The following SLC18A1 variants were observed in gnomAD, a reference collection of about 807,000 sequenced individuals.
The protein encoded by SLC18A1 is solute carrier family 18 member A1.
Under a neutral mutation model 53.7 loss-of-function variants are expected in SLC18A1, and 69 were observed. The observed-to-expected ratio is 1.28, with a 90% CI of 1.06 to 1.57. The LOEUF is 1.57. Among genes scored for constraint, SLC18A1 ranks in the 40% most tolerant of loss-of-function variants. The pLI is 0.00. For missense variants in SLC18A1, 932 were observed against 668.1 expected (o/e 1.40, Z -4.35); for synonymous variants, 320 against 248.1 (o/e 1.29, Z -2.72).
Position 20,150,724 on chromosome 8 carries a change from T to C in SLC18A1, c.1036A>G (p.Ser346Gly). The C allele has an allele frequency of 6.2e-7, 1 of 1,614,198 alleles. No individual in the cohort carries two copies. ...WQLGLAFLPA[S>G]VSYLIGTNLF... ...TTGGTGCCAATGAGGTAGGACACAC[T>C]GGCAGGCAAGAAAGCTAGACCTGTG... Residue 346 changes from serine (S) to glycine (G), a missense_variant, in exon 11 of 16, where the codon AGT (serine) becomes GGT (glycine). Coordinates refer to ENST00000276373, the MANE Select transcript of SLC18A1 (RefSeq NM_003053.4).
At chr8:20,166,322 TATATATATAC>T (rs1425381470) in intron 8 of SLC18A1, among the ~76,000 whole-genome samples, 1,546 of 93,604 alleles carry the variant, frequency 0.017, 59 homozygotes, top group Non-Finnish European at 0.02. Flanking sequence ...TATATATATA[TATATATATAC>T]ACCACCAGGT....
rs1229557651 is a variant in SLC18A1 at position 20,181,023 on chromosome 8, A to G, written c.-59T>C. The G allele has an allele frequency of 2.3e-5, 36 of 1,532,790 alleles. No homozygotes were observed. In the South Asian group the frequency reaches 4.2e-4, roughly 18 times the overall value. The allele number at this position is 1,532,790 out of a possible 1,614,324, so 94.9% of individuals were successfully genotyped here. ...GGGCTCTTAGGGAAGGTCCTGTGAC[A>G]GCTACAGGTCTCCTGCAGCCTTTAT... is the stretch of plus-strand genomic sequence containing the variant. On this transcript the variant is annotated 5_prime_UTR_variant, in exon 2 of 16. Coordinates refer to ENST00000276373, the MANE Select transcript of SLC18A1 (RefSeq NM_003053.4).
chr8:20,166,090 ACC>A (rs2071950665), intron 8 of SLC18A1, among the ~76,000 whole-genome samples: 5 of 151,612 alleles, frequency 3.3e-5, no homozygotes, highest in Non-Finnish European at 1.5e-5. Context: ...AGTACAATAA[ACC>A]CTTTGACCCA....
chr8:20,180,834 A>T lies in SLC18A1; in HGVS notation c.124+7T>A. 6.2e-7 allele frequency: 1 copy of T among 1,613,782 alleles called. No homozygotes were observed. Among genetic ancestry groups the T allele is most frequent in the Non-Finnish European group, 8.5e-7 (1 of 1,179,790 alleles). Reference sequence around the variant, plus strand: ...TTAACCCTCAGCACAAAGACCCACAAACGTACCCACCACAGTAAACAGCAT... The same window carrying T: ...TTAACCCTCAGCACAAAGACCCACATACGTACCCACCACAGTAAACAGCAT... On this transcript the variant is annotated splice_region_variant and intron_variant, in intron 2 of 15. Transcript: ENST00000276373.
Position 20,148,027 on chromosome 8 carries a change from G to A in SLC18A1, c.1190C>T (p.Ala397Val). The part of the protein sequence containing the change: ...HNIFGLIGPN[A>V]GLGLAIGMVD... ...CTTACCTATGGCAAGGCCAAGCCCT[G>A]CATTGGGGCCAATGAGACCAAAAAT... The change falls in exon 13 of 16, where the codon GCA (alanine) becomes GTA (valine). Residue 397 changes from alanine to valine, a missense_variant. Coordinates refer to ENST00000276373, the MANE Select transcript of SLC18A1 (RefSeq NM_003053.4). 2.5e-6 allele frequency: 4 copies of A among 1,614,144 alleles called. No homozygotes were observed. Among genetic ancestry groups the A allele is most frequent in the Non-Finnish European group, 3.4e-6 (4 of 1,180,014 alleles).
intron 8 of SLC18A1, among the ~76,000 whole-genome samples, chr8:20,168,259 C>T (rs1217709210): frequency 6.6e-6 from 1 of 151,750 alleles, no homozygotes; most frequent in African/African-American, 2.4e-5. Context: ...CTCAGCTACT[C>T]AAGAAGCTGA....
rs1418163988 is a variant in SLC18A1 at position 20,145,872 on chromosome 8, A to G, written c.1469T>C (p.Ile490Thr). 5 of 1,595,330 alleles carry G rather than the reference A, an allele frequency of 3.1e-6. No individual in the cohort carries two copies. The highest frequency in any genetic ancestry group is 2.7e-5 in the African/African-American group (2 of 74,076). Residue 490 changes from isoleucine (I) to threonine (T), a missense_variant, in exon 16 of 16, where the codon ATT becomes ACT. Physicochemically the swap from Ile to Thr is moderately conservative, Grantham distance 89. Coordinates refer to ENST00000276373, the MANE Select transcript of SLC18A1 (RefSeq NM_003053.4). ...SPPAKEEKLA[I>T]LSQDCPMETR... Reference sequence around the variant, plus strand: ...CTCCATGGGGCAGTCCTGACTCAGAATAGCCTGCAGAGAGAGGCAAGAAGA... The same window carrying G: ...CTCCATGGGGCAGTCCTGACTCAGAGTAGCCTGCAGAGAGAGGCAAGAAGA...
At position 20,157,122 on chromosome 8, in the gene SLC18A1, A is replaced by G. The variant is rs530556943; in HGVS notation, c.1016-6378T>C. Among the ~76,000 whole-genome samples, 4 of 152,284 alleles carry G rather than the reference A, an allele frequency of 2.6e-5. No homozygotes were observed. In the East Asian group the frequency reaches 7.7e-4, roughly 29 times the overall value. ...ACCCTGGAAAGGAATAAGCATTAGG[A>G]CCATAGAGGACACTCTAGGACTAAT... On this transcript the variant is annotated intron_variant, in intron 10 of 15. Coordinates refer to ENST00000276373, the MANE Select transcript of SLC18A1 (RefSeq NM_003053.4).
At chr8:20,182,522 G>A (rs1194738479) in intron 1 of SLC18A1, among the ~76,000 whole-genome samples, 3 of 152,164 alleles carry the variant, frequency 2.0e-5, no homozygotes, top group African/African-American at 7.2e-5. Flanking sequence ...AATGACTTCA[G>A]TTATCTTCTG....
intron 10 of SLC18A1, among the ~76,000 whole-genome samples, chr8:20,156,991 C>T (rs896932118): frequency 6.6e-6 from 1 of 152,170 alleles, no homozygotes; most frequent in African/African-American, 2.4e-5. Context: ...ATCCAGCAGC[C>T]TGGACTCCTT....
chr8:20,156,773 A>T (rs1169704682), intron 10 of SLC18A1, among the ~76,000 whole-genome samples: 1 of 152,244 alleles, frequency 6.6e-6, no homozygotes, highest in African/African-American at 2.4e-5. Context: ...ATTCCTACAA[A>T]GGAAAAGGAC....
At chr8:20,171,665 A>G (rs1238293471) in intron 6 of SLC18A1, among the ~76,000 whole-genome samples, 171 bp from the exon 7 acceptor site, 1 of 151,252 alleles carries the variant, frequency 6.6e-6, no homozygotes, top group Admixed American at 6.6e-5. Flanking sequence ...CATCAAGCCC[A>G]CTTTCTAGTG....
intron 8 of SLC18A1, 132 bp from the exon 9 acceptor site, chr8:20,165,239 A>T (rs1563748998): frequency 1.3e-6 from 1 of 775,606 alleles, no homozygotes; most frequent in Middle Eastern, 2.9e-4. Flanking sequence ...AGAGACCAGG[A>T]ACCCCAGTAC....
intron 10 of SLC18A1, among the ~76,000 whole-genome samples, chr8:20,164,007 A>G (rs886563531): frequency 2.6e-5 from 4 of 152,216 alleles, no homozygotes; most frequent in African/African-American, 9.6e-5. Context: ...GGTCAAAAGC[A>G]CTTGCAACCC....
intron 13 of SLC18A1, 23 bp downstream of exon 13, chr8:20,147,984 T>G (rs1275819326): frequency 6.2e-7 from 1 of 1,612,856 alleles, no homozygotes; most frequent in Non-Finnish European, 8.5e-7. Context: ...GGGCTTATTG[T>G]TTTCTTTGAG....
At chr8:20,182,428 C>G (rs13269955) in intron 1 of SLC18A1, among the ~76,000 whole-genome samples, 60,385 of 152,124 alleles carry the variant, frequency 0.4, 14,671 homozygotes, top group Non-Finnish European at 0.55. Context: ...GTGTTTTCAA[C>G]TTTATCTCAA....
At position 20,147,648 on chromosome 8, in the gene SLC18A1, C is replaced by T; in HGVS notation, c.1285G>A (p.Val429Ile). 6.2e-7 allele frequency: 1 copy of T among 1,614,090 alleles called. No homozygotes were observed. Among genetic ancestry groups the T allele is most frequent in the South Asian group, 1.1e-5 (1 of 91,046 alleles). ...AAAGCCACATCAGCGATGGCGTAGA[C>T]ACTCCCATACACCGAGGTGTGGCGT... Reference protein sequence around the residue: ...DLRHTSVYGSVYAIADVAFCM... With the variant: ...DLRHTSVYGSIYAIADVAFCM... The change falls in exon 14 of 16, where the codon GTC (valine) becomes ATC (isoleucine). Residue 429 changes from valine (V) to isoleucine (I), a missense_variant. Val to Ile is a conservative substitution (Grantham distance 29, BLOSUM62 3). Coordinates refer to ENST00000276373, the MANE Select transcript of SLC18A1 (RefSeq NM_003053.4).
intron 8 of SLC18A1, among the ~76,000 whole-genome samples, chr8:20,170,044 A>G (rs546594829): frequency 6.6e-6 from 1 of 152,248 alleles, no homozygotes; most frequent in East Asian, 1.9e-4. Context: ...GGGCCCAAGC[A>G]TATGCCAGGC....
chr8:20,152,888 T>G (rs2071593565), intron 10 of SLC18A1, among the ~76,000 whole-genome samples: 1 of 152,058 alleles, frequency 6.6e-6, no homozygotes, highest in Admixed American at 6.5e-5. Flanking sequence ...GCTCCAACCA[T>G]AATTAAAGAG....
Sources: allele counts gnomAD v4.1 joint callset (sites outside exome capture counted in the v4.1 genomes callset), GRCh38; gene constraint gnomAD v4.1.1; transcripts MANE v1.5; gene names NCBI Gene and HGNC (gene_info 2026-07-23, HGNC 2026-07-21).